Variants in ARL14EPL observed in about 807,000 individuals in gnomAD.
ARL14EPL encodes the protein ARL14 effector protein-like.
ARL14EPL carries 17 observed loss-of-function variants against 15.9 expected under a neutral mutation model. That is an observed-to-expected ratio of 1.07 (90% CI 0.73 to 1.60). ARL14EPL has a LOEUF of 1.60. ARL14EPL is among the 40% of genes most tolerant of loss of function. The probability of loss-of-function intolerance (pLI) is 0.00; values close to 1 mark genes in which losing one functional copy is unlikely to be tolerated. For synonymous variants in ARL14EPL, 78 were observed against 63.8 expected (o/e 1.22, Z -1.06); for missense variants, 214 against 185.9 (o/e 1.15, Z -0.88).
intron 3 of ARL14EPL, among the ~76,000 whole-genome samples, chr5:116,057,563 A>G (rs183093570): frequency 7.4e-4 from 113 of 152,324 alleles, no homozygotes; most frequent in Non-Finnish European, 1.3e-3. Context: ...CTCTTATAAT[A>G]GATTTAAAAT....
chr5:116,036,450 A>G (rs1749051624), intron 1 of ARL14EPL, among the ~76,000 whole-genome samples: 1 of 152,180 alleles, frequency 6.6e-6, no homozygotes, highest in Non-Finnish European at 1.5e-5. Context: ...AGAATAGTTA[A>G]ATTTGGACTC....
chr5:116,050,862 C>A (rs1442192425), intron 1 of ARL14EPL, among the ~76,000 whole-genome samples: 3 of 150,746 alleles, frequency 2.0e-5, no homozygotes, highest in African/African-American at 7.3e-5. Context: ...CACACAGACG[C>A]ACGCACCCTG....
rs1272708818 is a variant in ARL14EPL, at chr5:116,058,822, T to C, written c.334T>C (p.Cys112Arg). 1 of 1,535,960 alleles carries C rather than the reference T, an allele frequency of 6.5e-7. No homozygotes were observed. Among genetic ancestry groups the C allele is most frequent in the Non-Finnish European group, 8.7e-7 (1 of 1,146,896 alleles). The change falls in exon 4 of 4, where the codon TGC becomes CGC. Residue 112 changes from cysteine to arginine, a missense_variant. Physicochemically the swap from Cys to Arg is radical, Grantham distance 180 (BLOSUM62 -3). Coordinates refer to ENST00000686077, the MANE Select transcript of ARL14EPL (RefSeq NM_001195581.2). ...EKNCLGCFYP[C>R]PKCNSNKCGP... ...GAACTGCCTGGGCTGCTTCTACCCA[T>C]GCCCGAAGTGTAACTCCAACAAGTG...
chr5:116,058,011 C>T (rs1026064584), intron 3 of ARL14EPL, among the ~76,000 whole-genome samples: 3 of 152,264 alleles, frequency 2.0e-5, no homozygotes, highest in South Asian at 2.1e-4. Context: ...GTCCTTTGTC[C>T]CTGGCCATGT....
At chr5:116,056,255 G>T (rs534733579) in intron 3 of ARL14EPL, among the ~76,000 whole-genome samples, 1 of 152,066 alleles carries the variant, frequency 6.6e-6, no homozygotes, top group Non-Finnish European at 1.5e-5. Context: ...GTAGTTTACT[G>T]TCCCACCAAC....
intron 1 of ARL14EPL, among the ~76,000 whole-genome samples, chr5:116,033,395 G>A: frequency 6.6e-6 from 1 of 152,076 alleles, no homozygotes; most frequent in East Asian, 1.9e-4. Flanking sequence ...TTGCCCAACT[G>A]GAGGCTAATG....
At chr5:116,048,044 T>C (rs540709622) in intron 1 of ARL14EPL, among the ~76,000 whole-genome samples, 4 of 152,318 alleles carry the variant, frequency 2.6e-5, no homozygotes, top group African/African-American at 9.6e-5. Flanking sequence ...ATTTCTATTC[T>C]GACCCAAGCC....
chr5:116,059,041 C>A lies in ARL14EPL; in HGVS notation c.*94C>A. 6.0e-6 allele frequency: 7 copies of A among 1,168,122 alleles called. No homozygotes were observed. The Admixed American group carries it at 6.6e-5, about 11-fold the overall frequency. The allele number at this position is 1,168,122 out of a possible 1,614,324, so 72.4% of individuals were successfully genotyped here. ...GAATTTTAGGGCTTGGGGGAAATAT[C>A]GAAAAAACATACTGAAGACTCATGT... is the stretch of plus-strand genomic sequence containing the variant. On this transcript the variant is annotated 3_prime_UTR_variant, in exon 4 of 4. Coordinates refer to ENST00000686077, the MANE Select transcript of ARL14EPL (RefSeq NM_001195581.2).
At chr5:116,040,454 G>C (rs956921750) in intron 1 of ARL14EPL, among the ~76,000 whole-genome samples, 1 of 151,630 alleles carries the variant, frequency 6.6e-6, no homozygotes, top group South Asian at 2.1e-4. Context: ...GTGACGGGAA[G>C]GCATTTCTGG....
chr5:116,036,565 G>C (rs1177156503), intron 1 of ARL14EPL, among the ~76,000 whole-genome samples: 3 of 152,196 alleles, frequency 2.0e-5, no homozygotes, highest in Non-Finnish European at 4.4e-5. Flanking sequence ...GCTCTAAAAT[G>C]ACTAGCTTCA....
At position 116,059,246 on chromosome 5, in the gene ARL14EPL, CTGA is replaced by C. The variant is rs1749593294; in HGVS notation, c.*301_*303del. 1.4e-5 allele frequency: 4 copies of C among 283,902 alleles called. No homozygotes were observed. Among genetic ancestry groups the C allele is most frequent in the Non-Finnish European group, 2.7e-5 (4 of 148,972 alleles). The allele number at this position is 283,902 out of a possible 1,614,324, so 17.6% of individuals were successfully genotyped here. On this transcript the variant is annotated 3_prime_UTR_variant, in exon 4 of 4. Transcript: ENST00000686077. ...AAATTAAAACTCTCTTCCCTCTTTGCTGATATCTGAGAAAATGTAGCTTTAAGA... is the reference window on the plus strand; with the variant it reads ...AAATTAAAACTCTCTTCCCTCTTTGCTATCTGAGAAAATGTAGCTTTAAGA...
rs6880759 is a variant in ARL14EPL, at chr5:116,058,929, G to A, written c.441G>A (p.Pro147=). 1,170,710 of 1,535,732 alleles carry A rather than the reference G, an allele frequency of 0.76. 450,339 individuals carry two copies. Among genetic ancestry groups the A allele is most frequent in the African/African-American group, 0.8 (58,645 of 73,076 alleles). The part of the protein sequence containing the change: ...TESGEVISTL[P]FNVPD ...CAGGAGAGGTCATCAGCACGCTGCC[G>A]TTTAATGTTCCTGACTAGGTGCTCT... The change falls in exon 4 of 4, where the codon CCG becomes CCA. Residue 147 remains proline, a synonymous_variant. Transcript: ENST00000686077.
chr5:116,054,133 A>C lies in ARL14EPL; in HGVS notation c.216A>C (p.Glu72Asp). 6.5e-7 allele frequency: 1 copy of C among 1,535,378 alleles called. No individual in the cohort carries two copies. The highest frequency in any genetic ancestry group is 8.7e-7 in the Non-Finnish European group (1 of 1,146,506). ...AAGCCCGGATGTCAAAGATGAATGA[A>C]TATTTTTCTACCAAATACAAGTAAG... ...KKKARMSKMN[E>D]YFSTKYKIMR... The change falls in exon 3 of 4, where the codon GAA becomes GAC. Residue 72 changes from glutamate to aspartate, a missense_variant. Coordinates refer to ENST00000686077, the MANE Select transcript of ARL14EPL (RefSeq NM_001195581.2).
chr5:116,034,943 G>A (rs1236541583), intron 1 of ARL14EPL, among the ~76,000 whole-genome samples: 2 of 152,210 alleles, frequency 1.3e-5, no homozygotes, highest in East Asian at 3.8e-4. Context: ...AAAGGTTAAA[G>A]TTACTAGAAT....
At chr5:116,043,022 G>GT (rs1580412405) in intron 1 of ARL14EPL, among the ~76,000 whole-genome samples, 1 of 151,958 alleles carries the variant, frequency 6.6e-6, no homozygotes, top group Non-Finnish European at 1.5e-5. Context: ...ATGTACTATA[G>GT]TTTTTTCAAC....
At chr5:116,042,868 A>G (rs1023720060) in intron 1 of ARL14EPL, among the ~76,000 whole-genome samples, 1 of 152,186 alleles carries the variant, frequency 6.6e-6, no homozygotes, top group Non-Finnish European at 1.5e-5. Context: ...AGTATCCTAT[A>G]AATACTCTTT....
intron 1 of ARL14EPL, among the ~76,000 whole-genome samples, chr5:116,033,721 G>T (rs151043997): frequency 6.6e-6 from 1 of 152,028 alleles, no homozygotes; most frequent in Non-Finnish European, 1.5e-5. Flanking sequence ...TAAGTTGCAG[G>T]CTTTTTAGTA....
At position 116,059,074 on chromosome 5, in the gene ARL14EPL, A is replaced by T; in HGVS notation, c.*127A>T. On this transcript the variant is annotated 3_prime_UTR_variant, in exon 4 of 4. Transcript: ENST00000686077. ...CATACTGAAGACTCATGTTCTGTCAAGCCCCAGAACAATGTAGAATGGGCA... is the reference window on the plus strand; with the variant it reads ...CATACTGAAGACTCATGTTCTGTCATGCCCCAGAACAATGTAGAATGGGCA... 2 of 866,304 alleles carry T rather than the reference A, an allele frequency of 2.3e-6. No individual in the cohort carries two copies. Among genetic ancestry groups the T allele is most frequent in the Non-Finnish European group, 3.6e-6 (2 of 560,216 alleles). 53.7% of individuals were successfully genotyped at this position (866,304 alleles called of 1,614,324 possible). A position where few individuals can be genotyped will look rare whatever the true frequency, so the allele number is the denominator to read the frequency against.
intron 1 of ARL14EPL, among the ~76,000 whole-genome samples, chr5:116,037,383 A>T (rs1272702163): frequency 2.0e-5 from 3 of 152,216 alleles, no homozygotes; most frequent in Admixed American, 1.3e-4. Context: ...AAGCCTCTGC[A>T]GGTCCCACAC....
Sources: allele counts gnomAD v4.1 joint callset (sites outside exome capture counted in the v4.1 genomes callset), GRCh38; gene constraint gnomAD v4.1.1; transcripts MANE v1.5; gene names NCBI Gene and HGNC (gene_info 2026-07-23, HGNC 2026-07-21).